The following DEAF1 variants were observed in gnomAD, a reference collection of about 807,000 sequenced individuals.
DEAF1 encodes the protein DEAF1 transcription factor, also known as deformed epidermal autoregulatory factor 1 homolog.
DEAF1 carries 53 observed loss-of-function variants against 58.9 expected under a neutral mutation model. The observed-to-expected ratio is 0.90, with a 90% CI of 0.72 to 1.13. The LOEUF (loss-of-function observed/expected upper bound fraction) is 1.13, where lower values mean the gene tolerates loss of function less well. DEAF1 is among the 50% of genes most tolerant of loss of function. The probability of loss-of-function intolerance (pLI) is 0.00; values close to 1 mark genes in which losing one functional copy is unlikely to be tolerated. For synonymous variants in DEAF1, 385 were observed against 340.4 expected (o/e 1.13, Z -1.44); for missense variants, 685 against 791.4 (o/e 0.87, Z 1.61).
chr11:648,715 C>A (rs4074376), intron 11 of DEAF1, among the ~76,000 whole-genome samples: 27,771 of 152,066 alleles, frequency 0.18, 3,331 homozygotes, highest in African/African-American at 0.35. Context: ...GAAATTCTAT[C>A]CTCCTACTGA....
chr11:683,750 G>A (rs1168461439), intron 6 of DEAF1, among the ~76,000 whole-genome samples: 1 of 152,054 alleles, frequency 6.6e-6, no homozygotes, highest in Non-Finnish European at 1.5e-5. Flanking sequence ...TCTAATCCAC[G>A]GGCGCAGGAC....
At chr11:666,873 CAAAAAAAAAAAAAA>C (rs532628897) in intron 10 of DEAF1, among the ~76,000 whole-genome samples, 1 of 60,252 alleles carries the variant, frequency 1.7e-5, no homozygotes, top group African/African-American at 6.4e-5. Flanking sequence ...ACTCTGTCTC[CAAAAAAAAAAAAAA>C]AAAAAAAAAA....
At chr11:662,435 C>T (rs1452633913) in intron 10 of DEAF1, among the ~76,000 whole-genome samples, 1 of 152,208 alleles carries the variant, frequency 6.6e-6, no homozygotes, top group Non-Finnish European at 1.5e-5. Context: ...AACTCATTTT[C>T]ATCCTACTGT....
At chr11:684,121 CTCT>C (rs1403984903) in intron 6 of DEAF1, among the ~76,000 whole-genome samples, 1 of 96,990 alleles carries the variant, frequency 1.0e-5, no homozygotes, top group South Asian at 4.0e-4. Context: ...TCTCTCCATG[CTCT>C]TTTTTTTTTT....
rs1346215105 is a variant in DEAF1 at position 684,975 on chromosome 11, A to G, written c.805-12T>C. The G allele has an allele frequency of 6.4e-6, 10 of 1,551,316 alleles. No individual in the cohort carries two copies. Among genetic ancestry groups the G allele is most frequent in the Non-Finnish European group, 7.8e-6 (9 of 1,146,768 alleles). On this transcript the variant is annotated splice_polypyrimidine_tract_variant and intron_variant, in intron 5 of 11. Coordinates refer to ENST00000382409, the MANE Select transcript of DEAF1 (RefSeq NM_021008.4). Reference sequence around the variant, plus strand: ...TTTAAGATCCCATCCTGAGATGTGAAAAGAACCACCATGCATTAGCAAGTC... The same window carrying G: ...TTTAAGATCCCATCCTGAGATGTGAGAAGAACCACCATGCATTAGCAAGTC...
At chr11:702,887 C>T (rs1861559399) in intron 1 of DEAF1, 7 of 1,497,990 alleles carry the variant, frequency 4.7e-6, no homozygotes, top group South Asian at 1.3e-5. Context: ...CACCTGTGGG[C>T]GGTGGGCTCC....
At position 664,306 on chromosome 11, in the gene DEAF1, T is replaced by C. The variant is rs555903318; in HGVS notation, c.1503+10230A>G. On this transcript the variant is annotated intron_variant, in intron 10 of 11. Transcript: ENST00000382409. ...AAAAAGGAAAATGAAACCTACTGTG[T>C]CTGGGCCACCCTGAAGGAGTGTGAA... is the stretch of plus-strand genomic sequence containing the variant. Among the ~76,000 whole-genome samples, 30 of 149,224 alleles carry C rather than the reference T, an allele frequency of 2.0e-4. 1 individual carries two copies. The highest frequency in any genetic ancestry group is 6.6e-4 in the African/African-American group (27 of 40,782).
chr11:687,034 G>A (rs746203307), intron 4 of DEAF1, 37 bp from the exon 5 acceptor site: 1 of 1,612,684 alleles, frequency 6.2e-7, no homozygotes, highest in Non-Finnish European at 8.5e-7. Flanking sequence ...GATGGCAGGT[G>A]GGAACGTCAC....
chr11:700,384 G>A (rs992891146), intron 1 of DEAF1: 39 of 797,056 alleles, frequency 4.9e-5, no homozygotes, highest in East Asian at 3.8e-4. Context: ...AAAAGTAGCC[G>A]GGCGTGGTGG....
intron 10 of DEAF1, among the ~76,000 whole-genome samples, chr11:671,218 G>A (rs575687585): frequency 8.0e-5 from 12 of 150,536 alleles, no homozygotes; most frequent in South Asian, 6.3e-4. Context: ...GTGAGCCACC[G>A]CGCCTGGACT....
chr11:691,631 C>A, intron 1 of DEAF1, 33 bp from the exon 2 acceptor site: 1 of 1,603,482 alleles, frequency 6.2e-7, no homozygotes, highest in African/African-American at 1.3e-5. Flanking sequence ...TAACAAGCAA[C>A]AAAAGCCAGA....
intron 11 of DEAF1, among the ~76,000 whole-genome samples, chr11:647,347 A>AG (rs1368738881): frequency 6.6e-6 from 1 of 151,784 alleles, no homozygotes; most frequent in Non-Finnish European, 1.5e-5. Flanking sequence ...CCCAGCTACT[A>AG]GGGAGGCTGA....
chr11:686,991 C>T lies in DEAF1; in HGVS notation c.671G>A (p.Arg224Gln), dbSNP rs1415420832. The T allele has an allele frequency of 3.7e-6, 6 of 1,614,082 alleles. No homozygotes were observed. Among genetic ancestry groups the T allele is most frequent in the Admixed American group, 1.7e-5 (1 of 60,026 alleles). The change falls in exon 5 of 12, where the codon CGG (arginine) becomes CAG (glutamine). Residue 224 changes from arginine to glutamine, a missense_variant. By Grantham distance (43) the Arg-to-Gln change is conservative. Around this residue, in one of 3 missense-constraint regions of DEAF1, gnomAD observed 132 missense variants for 234.3 expected, o/e 0.56. Coordinates refer to ENST00000382409, the MANE Select transcript of DEAF1 (RefSeq NM_021008.4). ...CTCCCCCTGCTTGATGCACCGTCCC[C>T]GGCCGCCTGCAAGGAAGGGCAGCAG... ...LYKNRLGSGG[R>Q]GRCIKQGENW...
rs1310245486 is a variant in DEAF1, at chr11:687,004, G to A, written c.665-7C>T. The A allele has an allele frequency of 4.3e-6, 7 of 1,613,832 alleles. No homozygotes were observed. In the East Asian group the frequency reaches 6.7e-5, roughly 15 times the overall value. On this transcript the variant is annotated splice_region_variant and splice_polypyrimidine_tract_variant and intron_variant, in intron 4 of 11. Coordinates refer to ENST00000382409, the MANE Select transcript of DEAF1 (RefSeq NM_021008.4). ...ATGCACCGTCCCCGGCCGCCTGCAA[G>A]GAAGGGCAGCAGTCATGATGATGGC...
upstream of DEAF1, among the ~76,000 whole-genome samples, chr11:697,052 A>G (rs1861220168): frequency 6.6e-6 from 1 of 150,886 alleles, no homozygotes; most frequent in Non-Finnish European, 1.5e-5. Flanking sequence ...GTTGGCCAAG[A>G]TCGCACCATT....
chr11:698,347 C>T (rs1861294377), upstream of DEAF1, among the ~76,000 whole-genome samples: 1 of 152,172 alleles, frequency 6.6e-6, no homozygotes, highest in South Asian at 2.1e-4. Context: ...GATAAAAAGA[C>T]TGGACAGCTG....
chr11:685,830 A>AC (rs1860570548), intron 5 of DEAF1, among the ~76,000 whole-genome samples: 3 of 151,920 alleles, frequency 2.0e-5, no homozygotes, highest in Non-Finnish European at 2.9e-5. Context: ...AACCTGACCA[A>AC]CATGGTTGGT....
intron 11 of DEAF1, among the ~76,000 whole-genome samples, chr11:650,202 C>T (rs151191010): frequency 0.011 from 1,628 of 151,304 alleles, 23 homozygotes; most frequent in African/African-American, 0.036. Context: ...TGGTGAAACC[C>T]GTCTCTATTA....
At chr11:686,307 A>C (rs1860592271) in intron 5 of DEAF1, among the ~76,000 whole-genome samples, 2 of 145,516 alleles carry the variant, frequency 1.4e-5, no homozygotes, top group African/African-American at 2.8e-5. Context: ...AAAAAAAAAA[A>C]AACCACAAAA....
Sources: gnomAD v4.1 joint callset for allele counts (sites outside exome capture counted in the v4.1 genomes callset) on GRCh38, gnomAD v4.1.1 for gene constraint, gnomAD v4.1.1 regional missense constraint, MANE v1.5 for transcripts, NCBI Gene and HGNC (gene_info 2026-07-23, HGNC 2026-07-21) for gene names.